SPTA1: variants seen among roughly 807,000 people sequenced by gnomAD.
SPTA1 encodes the protein spectrin alpha chain, erythrocytic 1.
SPTA1 carries 177 observed loss-of-function variants against 324.7 expected under a neutral mutation model. The observed-to-expected ratio is 0.55, with a 90% CI of 0.48 to 0.62. The LOEUF (loss-of-function observed/expected upper bound fraction) is 0.62, where lower values mean the gene tolerates loss of function less well. Among genes scored for constraint, SPTA1 ranks in the 20% least tolerant of loss-of-function variants. The pLI is 0.00. For missense variants in SPTA1, 3,162 were observed against 2,883.6 expected, an observed-to-expected ratio of 1.10 and a Z score of -2.21; for synonymous variants, 1,195 against 1,041.3, an observed-to-expected ratio of 1.15 and a Z score of -2.84.
At chr1:158,658,167 T>C (rs1652959229) in intron 18 of SPTA1, among the ~76,000 whole-genome samples, 4 of 152,154 alleles carry the variant, frequency 2.6e-5, no homozygotes, top group Admixed American at 2.6e-4. Context: ...ATAAATGAGA[T>C]ATATTTTATA....
chr1:158,678,296 G>T, intron 6 of SPTA1, 105 bp downstream of exon 6: 1 of 1,484,816 alleles, frequency 6.7e-7, no homozygotes, highest in Non-Finnish European at 9.4e-7. Context: ...TTTGTTTGAA[G>T]TGTTGACCAT....
At chr1:158,637,405 G>GC (rs1651164391) in intron 36 of SPTA1, among the ~76,000 whole-genome samples, 1 of 152,190 alleles carries the variant, frequency 6.6e-6, no homozygotes, top group African/African-American at 2.4e-5. Context: ...GCGTGATGAG[G>GC]CAGGTTAAAT....
intron 5 of SPTA1, among the ~76,000 whole-genome samples, chr1:158,678,813 C>G (rs549039095): frequency 1.8e-4 from 27 of 152,200 alleles, no homozygotes; most frequent in African/African-American, 6.3e-4. Context: ...ATTTTTAGAG[C>G]TCCACCTTGT....
chr1:158,639,969 C>T lies in SPTA1; in HGVS notation c.4776G>A (p.Leu1592=), dbSNP rs760715077. ...TCCCTTTGTCATTTGTTCTCTCAAG[C>T]AGATGATCCCAATGTTCCTTCAGCT... ...LEQLKEHWDH[L]LERTNDKGKK... The change falls in exon 34 of 52, where the codon CTG becomes CTA. Residue 1592 remains leucine, a synonymous_variant. Transcript: ENST00000643759. The T allele has an allele frequency of 5.6e-6, 9 of 1,613,870 alleles. No individual in the cohort carries two copies. Among genetic ancestry groups the T allele is most frequent in the Non-Finnish European group, 4.2e-6 (5 of 1,179,904 alleles).
At chr1:158,612,754 C>G in intron 51 of SPTA1, 63 bp downstream of exon 51, 1 of 1,599,040 alleles carries the variant, frequency 6.3e-7, no homozygotes, top group Non-Finnish European at 8.6e-7. Flanking sequence ...GGCCACCGGG[C>G]CTGAGATGAC....
intron 2 of SPTA1, 61 bp downstream of exon 2, chr1:158,685,047 C>A: frequency 1.9e-6 from 3 of 1,605,338 alleles, no homozygotes; most frequent in Non-Finnish European, 8.5e-7. Context: ...TAAAGAAAAA[C>A]CTATTTCCTT....
Position 158,611,225 on chromosome 1 carries a change from C to T in SPTA1, c.*39G>A, listed in dbSNP as rs202171095. The T allele has an allele frequency of 6.8e-5, 110 of 1,608,946 alleles. No individual in the cohort carries two copies. In the Admixed American group the frequency reaches 9.0e-4, roughly 13 times the overall value. ...TCTTTGCCCCCCAGTAAATTTCCCACGACACTAAGATTTTCTACGATCCAC... is the reference window on the plus strand; with the variant it reads ...TCTTTGCCCCCCAGTAAATTTCCCATGACACTAAGATTTTCTACGATCCAC... On this transcript the variant is annotated 3_prime_UTR_variant, in exon 52 of 52. Coordinates refer to ENST00000643759, the MANE Select transcript of SPTA1 (RefSeq NM_003126.4).
intron 1 of SPTA1, 54 bp from the exon 2 acceptor site, chr1:158,685,401 GC>G: frequency 6.2e-7 from 1 of 1,603,844 alleles, no homozygotes. Flanking sequence ...TTAACATGTT[GC>G]CCCGCTTATA....
intron 45 of SPTA1, among the ~76,000 whole-genome samples, chr1:158,618,703 G>T (rs1405081325): frequency 6.6e-6 from 1 of 152,174 alleles, no homozygotes; most frequent in African/African-American, 2.4e-5. Flanking sequence ...GTACACAACA[G>T]AATAGCTTCA....
intron 39 of SPTA1, among the ~76,000 whole-genome samples, chr1:158,633,343 T>C (rs1571405082): frequency 1.3e-5 from 2 of 152,320 alleles, no homozygotes; most frequent in East Asian, 3.9e-4. Flanking sequence ...GTCTGTGTTA[T>C]TTCTTATAAC....
intron 2 of SPTA1, among the ~76,000 whole-genome samples, chr1:158,684,024 C>T (rs1480775079): frequency 6.6e-6 from 1 of 150,776 alleles, no homozygotes; most frequent in East Asian, 2.0e-4. Flanking sequence ...AAGGGGTAGG[C>T]ACTTTCACCA....
chr1:158,626,051 A>G (rs1650245205), intron 42 of SPTA1, 95 bp downstream of exon 42: 3 of 1,096,012 alleles, frequency 2.7e-6, no homozygotes, highest in Non-Finnish European at 4.2e-6. Context: ...GAGGCTACAG[A>G]CAATAAAATC....
chr1:158,676,111 G>A (rs768500569), intron 8 of SPTA1, 30 bp downstream of exon 8: 20 of 1,612,632 alleles, frequency 1.2e-5, no homozygotes, highest in Non-Finnish European at 1.6e-5. Flanking sequence ...GTAGAGATAG[G>A]TAGAGCAATA....
rs534141025 is a variant in SPTA1, at chr1:158,611,244, G to A, written c.*20C>T. The A allele has an allele frequency of 3.1e-6, 5 of 1,611,282 alleles. No homozygotes were observed. The highest frequency in any genetic ancestry group is 4.5e-5 in the East Asian group (2 of 44,734). The stretch of plus-strand genomic sequence containing the variant: ...TTCCCACGACACTAAGATTTTCTAC[G>A]ATCCACGAGGAGCTGCTTATTAGTT... On this transcript the variant is annotated 3_prime_UTR_variant, in exon 52 of 52. Transcript: ENST00000643759.
chr1:158,641,874 G>A (rs773845141), intron 33 of SPTA1, among the ~76,000 whole-genome samples: 74 of 152,160 alleles, frequency 4.9e-4, no homozygotes, highest in Non-Finnish European at 8.8e-4. Context: ...TGTTTATTGC[G>A]GCACTATTCA....
chr1:158,624,260 G>T (rs145553792), intron 42 of SPTA1, among the ~76,000 whole-genome samples: 2 of 152,306 alleles, frequency 1.3e-5, no homozygotes, highest in East Asian at 3.9e-4. Flanking sequence ...CCAGACTCCA[G>T]AATGGTAGAT....
Position 158,610,968 on chromosome 1 carries a change from C to A in SPTA1, c.*296G>T, listed in dbSNP as rs886045377. On this transcript the variant is annotated 3_prime_UTR_variant, in exon 52 of 52. Transcript: ENST00000643759. ...TCGGAATAAAGCAAAATGATAAAGA[C>A]GTGCAAAACAGAACAAATAAAAATA... 80 of 298,808 alleles carry A rather than the reference C, an allele frequency of 2.7e-4. 1 individual carries two copies. In the South Asian group the frequency reaches 3.4e-3, roughly 13 times the overall value. The allele number at this position is 298,808 out of a possible 1,614,324, so 18.5% of individuals were successfully genotyped here. A position where few individuals can be genotyped will look rare whatever the true frequency, so the allele number is the denominator to read the frequency against.
intron 9 of SPTA1, 36 bp downstream of exon 9, chr1:158,674,504 G>C: frequency 6.2e-7 from 1 of 1,614,014 alleles, no homozygotes; most frequent in Non-Finnish European, 8.5e-7. Context: ...CAAATAACCT[G>C]CCCCCTCCTC....
At chr1:158,653,466 G>C in intron 21 of SPTA1, 41 bp from the exon 22 acceptor site, 2 of 1,612,316 alleles carry the variant, frequency 1.2e-6, no homozygotes, top group Non-Finnish European at 1.7e-6. Flanking sequence ...TTAATTCTTG[G>C]AAAAGCAACA....
Sources: gnomAD v4.1 joint callset for allele counts (sites outside exome capture counted in the v4.1 genomes callset) on GRCh38, gnomAD v4.1.1 for gene constraint, MANE v1.5 for transcripts, NCBI Gene and HGNC (gene_info 2026-07-23, HGNC 2026-07-21) for gene names.